The following HAPLN4 variants were observed in gnomAD, a reference collection of about 807,000 sequenced individuals.
HAPLN4 encodes the protein brain link protein 2.
A neutral mutation model predicts 28.0 loss-of-function variants in HAPLN4; 19 were observed. The ratio of observed to expected loss-of-function variants is 0.68; its 90% confidence interval spans 0.47 to 1.00. HAPLN4 has a LOEUF of 1.00. Ranked by LOEUF, HAPLN4 falls within the 50% of genes least tolerant of loss-of-function variation. The pLI, the probability that HAPLN4 is intolerant of heterozygous loss-of-function variation, is 0.00. For missense variants in HAPLN4, 587 were observed against 602.6 expected, an observed-to-expected ratio of 0.97 and a Z score of 0.27; for synonymous variants, 274 against 273.0, an observed-to-expected ratio of 1.00 and a Z score of -0.03.
chr19:19,256,543 G>C lies in HAPLN4; in HGVS notation c.*1274C>G, dbSNP rs1233404491. The C allele has an allele frequency of 6.6e-6, 1 of 152,668 alleles. No individual in the cohort carries two copies. The highest frequency in any genetic ancestry group is 1.5e-5 in the Non-Finnish European group (1 of 68,074). The allele number at this position is 152,668 out of a possible 1,614,324, so 9.5% of individuals were successfully genotyped here. Reference sequence around the variant, plus strand: ...AAAAGCCTAGGGGGACAGGTGTTCTGTTACCTCGGACTCCAGAGTTTGGTC... The same window carrying C: ...AAAAGCCTAGGGGGACAGGTGTTCTCTTACCTCGGACTCCAGAGTTTGGTC... On this transcript the variant is annotated 3_prime_UTR_variant, in exon 5 of 5. Transcript: ENST00000291481.
rs144698679 is a variant in HAPLN4 at position 19,260,879 on chromosome 19, G to A, written c.418C>T (p.Arg140Cys). Reference sequence around the variant, plus strand: ...TCATTGGTGACTTCGCACTCATAGCGCCCGTAGTCTTGCAGCGTGACGTTG... The same window carrying A: ...TCATTGGTGACTTCGCACTCATAGCACCCGTAGTCTTGCAGCGTGACGTTG... ...LRNVTLQDYG[R>C]YECEVTNELE... Residue 140 changes from arginine to cysteine, a missense_variant, in exon 3 of 5, where the codon CGC (arginine) becomes TGC (cysteine). Transcript: ENST00000291481. The A allele has an allele frequency of 3.5e-5, 56 of 1,613,966 alleles. No homozygotes were observed. In the African/African-American group the frequency reaches 6.3e-4, roughly 18 times the overall value.
chr19:19,259,356 ACCCACTGGGTT>A (rs2060976507), intron 3 of HAPLN4, among the ~76,000 whole-genome samples: 1 of 152,130 alleles, frequency 6.6e-6, no homozygotes, highest in Admixed American at 6.6e-5. Flanking sequence ...CCAAGGGAGT[ACCCACTGGGTT>A]CCCTTCTACC....
rs771275788 is a variant in HAPLN4 at position 19,258,773 on chromosome 19, G to A, written c.567C>T (p.Asp189=). 1.2e-6 allele frequency: 2 copies of A among 1,603,468 alleles called. No individual in the cohort carries two copies. The highest frequency in any genetic ancestry group is 1.7e-5 in the Admixed American group (1 of 59,130). ...GCTGTTCTGCAGATGCCAGGATGCC[G>A]TCCTGCTCGGCGCACGCGCGCTGCG... The part of the protein sequence containing the change: ...AEAQRACAEQ[D]GILASAEQLH... Residue 189 remains aspartate (D), a synonymous_variant, in exon 4 of 5, where the codon GAC becomes GAT. Coordinates refer to ENST00000291481, the MANE Select transcript of HAPLN4 (RefSeq NM_023002.3). The surrounding 1 kb of genome is among the most constrained non-coding windows in gnomAD (Gnocchi z 6.2).
Position 19,260,894 on chromosome 19 carries a change from G to T in HAPLN4, c.403C>A (p.Leu135Met). ...CACTCATAGCGCCCGTAGTCTTGCA[G>T]CGTGACGTTGCGGAGGACCAGGGAG... is the stretch of plus-strand genomic sequence containing the variant. ...DASLVLRNVT[L>M]QDYGRYECEV... The change falls in exon 3 of 5, where the codon CTG becomes ATG. Residue 135 changes from leucine (L) to methionine (M), a missense_variant. By Grantham distance (15) the Leu-to-Met change is conservative. Transcript: ENST00000291481. 1 of 1,614,122 alleles carries T rather than the reference G, an allele frequency of 6.2e-7. No individual in the cohort carries two copies. The highest frequency in any genetic ancestry group is 8.5e-7 in the Non-Finnish European group (1 of 1,180,028).
rs1409335121 is a variant in HAPLN4 at position 19,258,711 on chromosome 19, T to A, written c.629A>T (p.Asn210Ile). ...TGAGCCGTCGCGCAACCAGCCCGCG[T>A]TGCACCAGTCCAGGCCGTCGCGCCA... ...AAWRDGLDWC[N>I]AGWLRDGSVQ... is the part of the protein sequence containing the mutation. Residue 210 changes from asparagine to isoleucine, a missense_variant, in exon 4 of 5, where the codon AAC becomes ATC. By Grantham distance (149) the Asn-to-Ile change is moderately radical (BLOSUM62 -3). Coordinates refer to ENST00000291481, the MANE Select transcript of HAPLN4 (RefSeq NM_023002.3). This position sits in a 1 kb window ranked among gnomAD's most constrained non-coding sequence, Gnocchi z 6.2. 5.6e-6 allele frequency: 9 copies of A among 1,605,810 alleles called. No homozygotes were observed. The highest frequency in any genetic ancestry group is 7.6e-6 in the Non-Finnish European group (9 of 1,177,306).
rs2060960436 is a variant in HAPLN4, at chr19:19,254,820, T to A, written c.*2997A>T. ...CTCCGTCGCCCAAGCTGGAGTGCAG[T>A]GGTACAATCATGGCTCACTGCAGCC... On this transcript the variant is annotated 3_prime_UTR_variant, in exon 5 of 5. Coordinates refer to ENST00000291481, the MANE Select transcript of HAPLN4 (RefSeq NM_023002.3). 6.6e-6 allele frequency: 1 copy of A among 152,286 alleles called. No individual in the cohort carries two copies. The highest frequency in any genetic ancestry group is 2.4e-5 in the African/African-American group (1 of 41,432). 9.4% of individuals were successfully genotyped at this position (152,286 alleles called of 1,614,324 possible). A position where few individuals can be genotyped will look rare whatever the true frequency, so the allele number is the denominator to read the frequency against.
chr19:19,261,353 C>T, intron 2 of HAPLN4, 93 bp downstream of exon 2: 1 of 1,305,606 alleles, frequency 7.7e-7, no homozygotes, highest in South Asian at 1.2e-5. Flanking sequence ...GGGGGAACCG[C>T]GGACGTCAGG....
At chr19:19,259,874 G>A (rs903440403) in intron 3 of HAPLN4, among the ~76,000 whole-genome samples, 1 of 152,106 alleles carries the variant, frequency 6.6e-6, no homozygotes, top group Admixed American at 6.5e-5. Context: ...CCCAGCTCCA[G>A]GGTGAGCCAA....
In HAPLN4 at chr19:19,257,910, C is replaced by T. The variant is rs754528958; in HGVS notation, c.1116G>A (p.Pro372=). The part of the protein sequence containing the change: ...YCYRAPGAPD[P]APGGWGWGWA... ...AGCCCCAGCCCCAGCCGCCAGGTGC[C>T]GGGTCCGGTGCTCCTGGAGCGCGGT... The change falls in exon 5 of 5, where the codon CCG becomes CCA. Residue 372 remains proline, a synonymous_variant. Transcript: ENST00000291481. 47 of 1,500,298 alleles carry T rather than the reference C, an allele frequency of 3.1e-5. No homozygotes were observed. In the African/African-American group the frequency reaches 6.0e-4, roughly 19 times the overall value. The allele number at this position is 1,500,298 out of a possible 1,614,324, so 92.9% of individuals were successfully genotyped here. A position where few individuals can be genotyped will look rare whatever the true frequency, so the allele number is the denominator to read the frequency against.
In HAPLN4 at chr19:19,258,692, G is replaced by A. The variant is rs138833056; in HGVS notation, c.648C>T (p.Asp216=). The A allele has an allele frequency of 1.9e-6, 3 of 1,607,024 alleles. No individual in the cohort carries two copies. The highest frequency in any genetic ancestry group is 1.3e-5 in the African/African-American group (1 of 74,798). ...GGTTCACGGGGTATTGCACTGAGCC[G>A]TCGCGCAACCAGCCCGCGTTGCACC... is the stretch of plus-strand genomic sequence containing the variant. ...LDWCNAGWLR[D]GSVQYPVNRP... is the part of the protein sequence containing the mutation. The change falls in exon 4 of 5, where the codon GAC becomes GAT. Residue 216 remains aspartate, a synonymous_variant. Coordinates refer to ENST00000291481, the MANE Select transcript of HAPLN4 (RefSeq NM_023002.3). This position sits in a 1 kb window ranked among gnomAD's most constrained non-coding sequence, Gnocchi z 6.2.
chr19:19,261,578 C>A lies in HAPLN4; in HGVS notation c.4-15G>T. On this transcript the variant is annotated splice_polypyrimidine_tract_variant and intron_variant, in intron 1 of 4. Transcript: ENST00000291481. ...CGAGCGCACACCTGGGGGGCGGGCA[C>A]GGGGCGCTCAGTCCAGCCTCCCAGC... is the stretch of plus-strand genomic sequence containing the variant. 4 of 1,450,696 alleles carry A rather than the reference C, an allele frequency of 2.8e-6. No homozygotes were observed. The South Asian group carries it at 5.8e-5, about 21-fold the overall frequency. The allele number at this position is 1,450,696 out of a possible 1,614,324, so 89.9% of individuals were successfully genotyped here.
rs1698195453 is a variant in HAPLN4, at chr19:19,258,604, T to G, written c.736A>C (p.Asn246His). The G allele has an allele frequency of 1.9e-6, 3 of 1,613,370 alleles. No individual in the cohort carries two copies. Among genetic ancestry groups the G allele is most frequent in the African/African-American group, 1.3e-5 (1 of 74,860 alleles). ...TGSAGGGGDA[N>H]GGLRNYGYRH... ...TACCCGTAGTTGCGCAGGCCCCCGTTGGCATCACCGCCGCCCCCTGCACTC... is the reference window on the plus strand; with the variant it reads ...TACCCGTAGTTGCGCAGGCCCCCGTGGGCATCACCGCCGCCCCCTGCACTC... Residue 246 changes from asparagine to histidine, a missense_variant, in exon 4 of 5, where the codon AAC becomes CAC. Transcript: ENST00000291481. This position sits in a 1 kb window ranked among gnomAD's most constrained non-coding sequence, Gnocchi z 6.2.
chr19:19,258,800 C>CT lies in HAPLN4; in HGVS notation c.539dup (p.Ala181GlyfsTer64). ...CCTGCTCGGCGCACGCGCGCTGCGC[C>CT]TCCGCGAAGGTCAGCTTGTATCGGC... is the stretch of plus-strand genomic sequence containing the variant. On this transcript the variant is annotated frameshift_variant, in exon 4 of 5. Transcript: ENST00000291481. LOFTEE classifies it high-confidence loss of function. The surrounding 1 kb of genome is among the most constrained non-coding windows in gnomAD (Gnocchi z 6.2). The CT allele has an allele frequency of 6.3e-7, 1 of 1,594,752 alleles. No homozygotes were observed. Among genetic ancestry groups the CT allele is most frequent in the Non-Finnish European group, 8.5e-7 (1 of 1,171,422 alleles).
intron 1 of HAPLN4, among the ~76,000 whole-genome samples, chr19:19,261,986 G>A (rs1377644739): frequency 6.6e-6 from 1 of 152,160 alleles, no homozygotes; most frequent in South Asian, 2.1e-4. Flanking sequence ...GAGAAAGAGG[G>A]AGAGACGCGG....
Position 19,255,873 on chromosome 19 carries a change from G to A in HAPLN4, c.*1944C>T, listed in dbSNP as rs777271115. 1 of 152,156 alleles carries A rather than the reference G, an allele frequency of 6.6e-6. No individual in the cohort carries two copies. The highest frequency in any genetic ancestry group is 1.5e-5 in the Non-Finnish European group (1 of 68,020). 9.4% of individuals were successfully genotyped at this position (152,156 alleles called of 1,614,324 possible). On this transcript the variant is annotated 3_prime_UTR_variant, in exon 5 of 5. Transcript: ENST00000291481. ...ACGTGACAGTAAAGAGGGCCCCAGG[G>A]GGACCCCAGTACTCCTGCAGGCAAG...
intron 3 of HAPLN4, among the ~76,000 whole-genome samples, chr19:19,260,079 G>A (rs1440389652): frequency 6.6e-6 from 1 of 152,182 alleles, no homozygotes; most frequent in Non-Finnish European, 1.5e-5. Flanking sequence ...GCCTACCTGG[G>A]AAGCAGAGCA....
In HAPLN4 at chr19:19,258,212, C is replaced by G; in HGVS notation, c.818-4G>C. 6.7e-7 allele frequency: 1 copy of G among 1,483,762 alleles called. No individual in the cohort carries two copies. Among genetic ancestry groups the G allele is most frequent in the South Asian group, 1.3e-5 (1 of 76,388 alleles). 91.9% of individuals were successfully genotyped at this position (1,483,762 alleles called of 1,614,324 possible). A position where few individuals can be genotyped will look rare whatever the true frequency, so the allele number is the denominator to read the frequency against. On this transcript the variant is annotated splice_polypyrimidine_tract_variant and splice_region_variant and intron_variant, in intron 4 of 4. Coordinates refer to ENST00000291481, the MANE Select transcript of HAPLN4 (RefSeq NM_023002.3). This position sits in a 1 kb window ranked among gnomAD's most constrained non-coding sequence, Gnocchi z 6.2. ...GGCTTCAGGAAGAACACGCGCCCTG[C>G]GGGGGTGAGGTGGGGGGTGGGTTAT...
chr19:19,260,894 G>A lies in HAPLN4; in HGVS notation c.403C>T (p.Leu135=), dbSNP rs775392025. Residue 135 remains leucine, a synonymous_variant, in exon 3 of 5, where the codon CTG becomes TTG. Coordinates refer to ENST00000291481, the MANE Select transcript of HAPLN4 (RefSeq NM_023002.3). The stretch of plus-strand genomic sequence containing the variant: ...CACTCATAGCGCCCGTAGTCTTGCA[G>A]CGTGACGTTGCGGAGGACCAGGGAG... The part of the protein sequence containing the change: ...DASLVLRNVT[L]QDYGRYECEV... The A allele has an allele frequency of 6.2e-7, 1 of 1,614,122 alleles. No individual in the cohort carries two copies. Among genetic ancestry groups the A allele is most frequent in the South Asian group, 1.1e-5 (1 of 91,088 alleles).
rs1171942588 is a variant in HAPLN4 at position 19,257,016 on chromosome 19, G to A, written c.*801C>T. 6.6e-6 allele frequency: 1 copy of A among 152,634 alleles called. No homozygotes were observed. Among genetic ancestry groups the A allele is most frequent in the Non-Finnish European group, 1.5e-5 (1 of 68,094 alleles). 9.5% of individuals were successfully genotyped at this position (152,634 alleles called of 1,614,324 possible). A position where few individuals can be genotyped will look rare whatever the true frequency, so the allele number is the denominator to read the frequency against. On this transcript the variant is annotated 3_prime_UTR_variant, in exon 5 of 5. Transcript: ENST00000291481. ...TGGGAAGATGGTCTGTTTGGTGACA[G>A]TTGGGAAAGGGACGTCAGAGGACAG... is the stretch of plus-strand genomic sequence containing the variant.
Sources: allele counts gnomAD v4.1 joint callset (sites outside exome capture counted in the v4.1 genomes callset), GRCh38; gene constraint gnomAD v4.1.1; non-coding constraint Gnocchi (gnomAD v3.1); transcripts MANE v1.5; gene names NCBI Gene and HGNC (gene_info 2026-07-23, HGNC 2026-07-21).